Variants in CDH11 observed in about 807,000 individuals in gnomAD.
The protein encoded by CDH11 is cadherin 11.
Under a neutral mutation model 67.8 loss-of-function variants are expected in CDH11, and 11 were observed. That is an observed-to-expected ratio of 0.16 (90% CI 0.10 to 0.27). The LOEUF is 0.27. CDH11 is among the 10% of genes least tolerant of loss of function. The probability of loss-of-function intolerance (pLI) is 1.00; values close to 1 mark genes in which losing one functional copy is unlikely to be tolerated. For missense variants in CDH11, 847 were observed against 1,031.2 expected, an observed-to-expected ratio of 0.82 and a Z score of 2.45; for synonymous variants, 419 against 400.0, an observed-to-expected ratio of 1.05 and a Z score of -0.57.
intron 1 of CDH11, among the ~76,000 whole-genome samples, chr16:65,076,290 C>G (rs550050770): frequency 6.6e-6 from 1 of 152,196 alleles, no homozygotes; most frequent in African/African-American, 2.4e-5. Flanking sequence ...AAAGGCATAA[C>G]TGCCTTTGCT....
intron 1 of CDH11, among the ~76,000 whole-genome samples, chr16:65,055,676 G>A (rs2074130536): frequency 6.6e-6 from 1 of 152,132 alleles, no homozygotes; most frequent in Non-Finnish European, 1.5e-5. Context: ...ATGAGAATTT[G>A]GACTTTAGAC....
intron 1 of CDH11, among the ~76,000 whole-genome samples, chr16:65,067,615 T>C (rs181797033): frequency 7.2e-5 from 11 of 152,298 alleles, no homozygotes; most frequent in Admixed American, 5.2e-4. Flanking sequence ...TGTTTTTACT[T>C]TTTAAATAAT....
intron 1 of CDH11, among the ~76,000 whole-genome samples, chr16:65,107,309 T>C (rs922469103): frequency 1.3e-5 from 2 of 152,212 alleles, no homozygotes; most frequent in East Asian, 1.9e-4. Flanking sequence ...TTCTACCTCA[T>C]TGAGACTGTC....
chr16:65,034,803 G>C (rs79903208), intron 2 of CDH11, among the ~76,000 whole-genome samples: 1 of 152,106 alleles, frequency 6.6e-6, no homozygotes, highest in Non-Finnish European at 1.5e-5. Flanking sequence ...GACTGCCTAC[G>C]TGGAATTGGC....
rs1292602024 is a variant in CDH11 at position 64,945,648 on chromosome 16, T to C, written c.*1955A>G. On this transcript the variant is annotated 3_prime_UTR_variant, in exon 13 of 13. Transcript: ENST00000268603. The stretch of plus-strand genomic sequence containing the variant: ...GAGAATGTGTAATCCTTCACTGAGA[T>C]GAAAGATTCTAAAGTGACATTGTCC... 8.5e-5 allele frequency: 88 copies of C among 1,036,788 alleles called. No homozygotes were observed. Among genetic ancestry groups the C allele is most frequent in the Non-Finnish European group, 9.9e-5 (85 of 861,062 alleles). The allele number at this position is 1,036,788 out of a possible 1,614,324, so 64.2% of individuals were successfully genotyped here.
rs189421085 is a variant in CDH11, at chr16:65,043,773, A to G, written c.-173+10031T>C. Among the ~76,000 whole-genome samples, 194 of 152,220 alleles carry G rather than the reference A, an allele frequency of 1.3e-3. No homozygotes were observed. The South Asian group carries it at 0.022, about 17-fold the overall frequency. ...CAAAAAAGTTAAAAGGAATGAAGCGATCTCTGCCTTAATTTAGGTTTCTTG... is the reference window on the plus strand; with the variant it reads ...CAAAAAAGTTAAAAGGAATGAAGCGGTCTCTGCCTTAATTTAGGTTTCTTG... On this transcript the variant is annotated intron_variant, in intron 2 of 12. Transcript: ENST00000268603.
chr16:64,997,289 G>A (rs996883554), intron 4 of CDH11, among the ~76,000 whole-genome samples: 14 of 127,326 alleles, frequency 1.1e-4, no homozygotes, highest in East Asian at 2.4e-4. Context: ...AACAGAGGGA[G>A]ACTCTGTCTC....
At chr16:64,991,958 T>C in intron 5 of CDH11, 23 bp from the exon 6 acceptor site, 1 of 1,537,832 alleles carries the variant, frequency 6.5e-7, no homozygotes, top group Non-Finnish European at 8.9e-7. Context: ...GCAGGCAACA[T>C]CACAGATATT....
intron 1 of CDH11, among the ~76,000 whole-genome samples, chr16:65,057,754 T>G (rs6498971): frequency 0.9 from 137,077 of 152,218 alleles, 61,796 homozygotes; most frequent in East Asian, 1. Flanking sequence ...TTTTACAGAT[T>G]GAGAAACTGA....
chr16:64,993,449 A>G (rs918493036), intron 4 of CDH11, among the ~76,000 whole-genome samples: 1 of 152,222 alleles, frequency 6.6e-6, no homozygotes, highest in African/African-American at 2.4e-5. Flanking sequence ...AGGAAAGGAC[A>G]GAGTGCAATC....
chr16:65,044,480 G>T (rs2073921236), intron 2 of CDH11, among the ~76,000 whole-genome samples: 1 of 151,900 alleles, frequency 6.6e-6, no homozygotes, highest in Non-Finnish European at 1.5e-5. Context: ...GGAAAAGGGG[G>T]CTCATGAAGA....
intron 1 of CDH11, among the ~76,000 whole-genome samples, chr16:65,083,172 A>T (rs769115954): frequency 6.6e-6 from 1 of 152,192 alleles, no homozygotes; most frequent in Non-Finnish European, 1.5e-5. Flanking sequence ...CCTCACTTGA[A>T]TTAGCCACCA....
chr16:65,088,550 T>C (rs1368073565), intron 1 of CDH11, among the ~76,000 whole-genome samples: 1 of 152,238 alleles, frequency 6.6e-6, no homozygotes, highest in African/African-American at 2.4e-5. Context: ...ATTAAAAACA[T>C]CTTAAACTTT....
chr16:65,101,932 T>C (rs1277954898), intron 1 of CDH11, among the ~76,000 whole-genome samples: 1 of 152,238 alleles, frequency 6.6e-6, no homozygotes, highest in African/African-American at 2.4e-5. Flanking sequence ...GATGGGCAGA[T>C]GACATATCCT....
chr16:65,113,025 C>T (rs367840257), intron 1 of CDH11, among the ~76,000 whole-genome samples: 6 of 152,324 alleles, frequency 3.9e-5, no homozygotes, highest in African/African-American at 9.6e-5. Flanking sequence ...CGCTGGCTCA[C>T]GCCTGTAATC....
chr16:65,059,469 C>T (rs1314923922), intron 1 of CDH11: 1 of 152,152 alleles, frequency 6.6e-6, no homozygotes, highest in East Asian at 1.9e-4. Context: ...TCCAAAGCGC[C>T]GATGGACGGG....
chr16:64,978,837 T>A (rs1055952085), intron 8 of CDH11, among the ~76,000 whole-genome samples: 1 of 152,108 alleles, frequency 6.6e-6, no homozygotes, highest in Admixed American at 6.6e-5. Context: ...AGTTTATTTT[T>A]AAAAAATGTG....
At chr16:65,113,297 A>C (rs2142888043) in intron 1 of CDH11, among the ~76,000 whole-genome samples, 1 of 152,124 alleles carries the variant, frequency 6.6e-6, no homozygotes, top group African/African-American at 2.4e-5. Context: ...GAAAAAAAAA[A>C]AAAAAGACTT....
intron 2 of CDH11, among the ~76,000 whole-genome samples, chr16:65,009,344 T>C (rs1302070073): frequency 6.6e-6 from 1 of 152,114 alleles, no homozygotes; most frequent in Non-Finnish European, 1.5e-5. Flanking sequence ...ATCAATAACA[T>C]AGTATAACCA....
Sources: gnomAD v4.1 joint callset for allele counts (sites outside exome capture counted in the v4.1 genomes callset) on GRCh38, gnomAD v4.1.1 for gene constraint, MANE v1.5 for transcripts, NCBI Gene and HGNC (gene_info 2026-07-23, HGNC 2026-07-21) for gene names.